Variants in KAT6B observed in about 807,000 individuals in gnomAD.
The protein encoded by KAT6B is histone acetyltransferase KAT6B.
Under a neutral mutation model 187.5 loss-of-function variants are expected in KAT6B, and 10 were observed. The ratio of observed to expected loss-of-function variants is 0.05; its 90% CI spans 0.03 to 0.09. The LOEUF is 0.09. KAT6B is among the 10% of genes least tolerant of loss of function. The pLI, the probability that KAT6B is intolerant of heterozygous loss-of-function variation, is 1.00. For missense variants in KAT6B, 1,952 were observed against 2,558.9 expected (o/e 0.76, Z 5.12); for synonymous variants, 861 against 926.8 (o/e 0.93, Z 1.29).
intron 4 of KAT6B, among the ~76,000 whole-genome samples, chr10:74,966,127 C>T (rs1413059879): frequency 6.6e-6 from 1 of 152,176 alleles, no homozygotes; most frequent in Non-Finnish European, 1.5e-5. Flanking sequence ...GTTCTACAGG[C>T]CACCCACATT....
At chr10:74,954,616 C>T (rs368959573) in intron 3 of KAT6B, among the ~76,000 whole-genome samples, 5 of 152,146 alleles carry the variant, frequency 3.3e-5, no homozygotes, top group Admixed American at 1.3e-4. Flanking sequence ...AGACACCCAG[C>T]GAGTCCACCC....
chr10:74,903,341 C>T (rs142212996), intron 3 of KAT6B, among the ~76,000 whole-genome samples: 1 of 152,322 alleles, frequency 6.6e-6, no homozygotes, highest in African/African-American at 2.4e-5. Flanking sequence ...CAGAGGGAGA[C>T]TATCCAGGTG....
At chr10:74,834,976 T>TGG (rs1172479401) in intron 1 of KAT6B, among the ~76,000 whole-genome samples, 1 of 152,230 alleles carries the variant, frequency 6.6e-6, no homozygotes, top group Non-Finnish European at 1.5e-5. Context: ...AAATAGGCAT[T>TGG]GAAACCCTCT....
intron 13 of KAT6B, among the ~76,000 whole-genome samples, chr10:75,007,956 T>G (rs1457976291): frequency 6.6e-6 from 1 of 152,210 alleles, no homozygotes; most frequent in Admixed American, 6.5e-5. Context: ...CATGTCAGCC[T>G]TTGCAGAGCC....
chr10:74,907,438 G>A (rs1445916408), intron 3 of KAT6B, among the ~76,000 whole-genome samples: 3 of 152,214 alleles, frequency 2.0e-5, no homozygotes, highest in African/African-American at 7.2e-5. Flanking sequence ...TCATTCTGGT[G>A]TTCTTCAGTG....
intron 3 of KAT6B, among the ~76,000 whole-genome samples, chr10:74,958,401 T>A (rs1478577551): frequency 2.0e-5 from 3 of 152,192 alleles, no homozygotes; most frequent in Non-Finnish European, 4.4e-5. Context: ...TTAAAAACAT[T>A]TGTGATTATG....
chr10:74,976,070 C>T lies in KAT6B; in HGVS notation c.1733C>T (p.Ser578Phe), dbSNP rs1449239884. Residue 578 changes from serine (S) to phenylalanine (F), a missense_variant, in exon 8 of 18, where the codon TCT becomes TTT. Transcript: ENST00000287239. ...CGTATGCGTCGTAAAACTGAATTAT[C>T]TTCCACGGCAAAATCTAAAGCCCAC... ...PKRMRRKTEL[S>F]STAKSKAHFF... 1.9e-6 allele frequency: 3 copies of T among 1,614,080 alleles called. No individual in the cohort carries two copies. The African/African-American group carries it at 4.0e-5, about 22-fold the overall frequency.
chr10:75,010,683 G>C (rs1844539919), intron 13 of KAT6B, among the ~76,000 whole-genome samples: 1 of 152,032 alleles, frequency 6.6e-6, no homozygotes, highest in Non-Finnish European at 1.5e-5. Flanking sequence ...GAAATCAGTG[G>C]TACTGCCATG....
chr10:74,921,261 C>A (rs1848100759), intron 3 of KAT6B, among the ~76,000 whole-genome samples: 1 of 151,832 alleles, frequency 6.6e-6, no homozygotes, highest in South Asian at 2.1e-4. Flanking sequence ...ATTACAGATG[C>A]CTGCCACCAC....
chr10:75,030,920 A>G lies in KAT6B; in HGVS notation c.6096A>G (p.Pro2032=), dbSNP rs1007587904. 3.7e-6 allele frequency: 6 copies of G among 1,613,976 alleles called. No homozygotes were observed. Among genetic ancestry groups the G allele is most frequent in the Non-Finnish European group, 5.1e-6 (6 of 1,180,020 alleles). ...AGATGGGCATGATGGGCACCCAGCC[A>G]TATGCCCAGCAGCCAATGCAGACCC... ...QMQMGMMGTQ[P]YAQQPMQTPP... Residue 2032 remains proline, a synonymous_variant, in exon 18 of 18, where the codon CCA becomes CCG. Transcript: ENST00000287239. This position sits in a 1 kb window ranked among gnomAD's most constrained non-coding sequence, Gnocchi z 4.8.
chr10:74,966,882 T>C (rs1383854832), intron 4 of KAT6B, among the ~76,000 whole-genome samples: 1 of 151,978 alleles, frequency 6.6e-6, no homozygotes. Flanking sequence ...ACAAAACAAT[T>C]AGCCGGGCTT....
chr10:74,967,375 A>G (rs373067306), intron 4 of KAT6B, among the ~76,000 whole-genome samples: 3 of 152,250 alleles, frequency 2.0e-5, no homozygotes, highest in African/African-American at 7.2e-5. Flanking sequence ...TGTTGAGTTT[A>G]TGAAATCGCT....
In KAT6B at chr10:74,975,727, C is replaced by G. The variant is rs756516288; in HGVS notation, c.1390C>G (p.Pro464Ala). Reference sequence around the variant, plus strand: ...TATAGACTTTTCAAAGCACTATCGTCCAAGGAAAAAGGTCTCTCAGAAACA... The same window carrying G: ...TATAGACTTTTCAAAGCACTATCGTGCAAGGAAAAAGGTCTCTCAGAAACA... ...EIIDFSKHYR[P>A]RKKVSQKQSC... The change falls in exon 8 of 18, where the codon CCA becomes GCA. Residue 464 changes from proline (P) to alanine (A), a missense_variant. Coordinates refer to ENST00000287239, the MANE Select transcript of KAT6B (RefSeq NM_012330.4). 6.2e-7 allele frequency: 1 copy of G among 1,614,180 alleles called. No individual in the cohort carries two copies. Among genetic ancestry groups the G allele is most frequent in the Non-Finnish European group, 8.5e-7 (1 of 1,180,030 alleles).
upstream of KAT6B, among the ~76,000 whole-genome samples, chr10:74,826,393 G>C (rs1840220708): frequency 6.6e-6 from 1 of 152,144 alleles, no homozygotes; most frequent in Non-Finnish European, 1.5e-5. Flanking sequence ...GCCGGAGGGG[G>C]GGATGATGGG....
chr10:75,027,967 A>G (rs1189507135), intron 17 of KAT6B, among the ~76,000 whole-genome samples: 4 of 152,214 alleles, frequency 2.6e-5, no homozygotes, highest in Non-Finnish European at 5.9e-5. Context: ...TTTTTATGCC[A>G]GAGAGAACAT....
At position 74,974,755 on chromosome 10, in the gene KAT6B, T is replaced by A. The variant is rs144974193; in HGVS notation, c.1062-644T>A. Among the ~76,000 whole-genome samples, 13 of 152,356 alleles carry A rather than the reference T, an allele frequency of 8.5e-5. 1 individual carries two copies. Among genetic ancestry groups the A allele is most frequent in the Middle Eastern group, 3.4e-3 (1 of 294 alleles). On this transcript the variant is annotated intron_variant, in intron 7 of 17. Coordinates refer to ENST00000287239, the MANE Select transcript of KAT6B (RefSeq NM_012330.4). Reference sequence around the variant, plus strand: ...TAATCATTTCTTCAGTTTTTTGCTATTGTTGTCCTTTTTTCAGCAATATTT... The same window carrying A: ...TAATCATTTCTTCAGTTTTTTGCTAATGTTGTCCTTTTTTCAGCAATATTT...
intron 3 of KAT6B, among the ~76,000 whole-genome samples, chr10:74,886,072 G>A (rs185508307): frequency 6.6e-6 from 1 of 152,264 alleles, no homozygotes; most frequent in East Asian, 1.9e-4. Context: ...AGCACAGAAT[G>A]CCAACTGGGT....
At position 75,031,240 on chromosome 10, in the gene KAT6B, T is replaced by A; in HGVS notation, c.*194T>A. On this transcript the variant is annotated 3_prime_UTR_variant, in exon 18 of 18. Coordinates refer to ENST00000287239, the MANE Select transcript of KAT6B (RefSeq NM_012330.4). ...ACAAGTTGTTTTTCTTTTTTTCCTT[T>A]TTCTTTTTTTTGGTACCTTCATTTC... 1.5e-6 allele frequency: 1 copy of A among 647,032 alleles called. No individual in the cohort carries two copies. The highest frequency in any genetic ancestry group is 2.0e-5 in the South Asian group (1 of 49,700). The allele number at this position is 647,032 out of a possible 1,614,324, so 40.1% of individuals were successfully genotyped here.
At chr10:74,877,848 T>C (rs1390684447) in intron 3 of KAT6B, among the ~76,000 whole-genome samples, 1 of 152,032 alleles carries the variant, frequency 6.6e-6, no homozygotes, top group Non-Finnish European at 1.5e-5. Flanking sequence ...TCCTATGTTA[T>C]CATCAAAGAG....
Sources: gnomAD v4.1 joint callset for allele counts (sites outside exome capture counted in the v4.1 genomes callset) on GRCh38, gnomAD v4.1.1 for gene constraint, Gnocchi (gnomAD v3.1) non-coding constraint, MANE v1.5 for transcripts, NCBI Gene and HGNC (gene_info 2026-07-23, HGNC 2026-07-21) for gene names.